The following UBTD2 variants were observed in gnomAD, a reference collection of about 807,000 sequenced individuals.
UBTD2 encodes the protein ubiquitin domain containing 2.
A neutral mutation model predicts 19.8 loss-of-function variants in UBTD2; 9 were observed. That is an observed-to-expected ratio of 0.46 (90% CI 0.27 to 0.79). UBTD2 has a LOEUF of 0.79. Among genes scored for constraint, UBTD2 ranks in the 30% least tolerant of loss-of-function variants. The pLI is 0.14. For synonymous variants in UBTD2, 98 were observed against 103.9 expected (o/e 0.94, Z 0.35); for missense variants, 250 against 300.4 (o/e 0.83, Z 1.24).
chr5:172,266,020 G>A lies in UBTD2; in HGVS notation c.70+17576C>T, dbSNP rs1219778275. On this transcript the variant is annotated intron_variant, in intron 1 of 2. Coordinates refer to ENST00000393792, the MANE Select transcript of UBTD2 (RefSeq NM_152277.3). ...ATGATCTCAGCTCATTGCAACCTCT[G>A]CCTCCCGGGTTCAAGCAATTCTCCT... is the stretch of plus-strand genomic sequence containing the variant. Among the ~76,000 whole-genome samples, 5 of 151,250 alleles carry A rather than the reference G, an allele frequency of 3.3e-5. No individual in the cohort carries two copies. The East Asian group carries it at 9.8e-4, about 30-fold the overall frequency.
Position 172,259,750 on chromosome 5 carries a change from T to C in UBTD2, c.70+23846A>G, listed in dbSNP as rs570160445. 8.5e-5 allele frequency among the ~76,000 whole-genome samples: 13 copies of C among 152,176 alleles called. No individual in the cohort carries two copies. The East Asian group carries it at 2.5e-3, about 29-fold the overall frequency. On this transcript the variant is annotated intron_variant, in intron 1 of 2. Transcript: ENST00000393792. ...GTTTAGCAAGGTCAGAATAAGCTTT[T>C]GGACTGTATCAACAGTAAATGGGCC...
intron 1 of UBTD2, among the ~76,000 whole-genome samples, chr5:172,265,454 C>T (rs1755358938): frequency 6.6e-6 from 1 of 152,154 alleles, no homozygotes; most frequent in Non-Finnish European, 1.5e-5. Context: ...CCTGCCTCAG[C>T]CTCCCGAGTA....
intron 1 of UBTD2, among the ~76,000 whole-genome samples, chr5:172,261,306 AT>A (rs1442706646): frequency 3.3e-5 from 5 of 152,192 alleles, no homozygotes; most frequent in Non-Finnish European, 7.3e-5. Flanking sequence ...ACCGAGATAG[AT>A]TTTCCAAAAC....
At chr5:172,266,826 C>T (rs1266580448) in intron 1 of UBTD2, among the ~76,000 whole-genome samples, 1 of 152,098 alleles carries the variant, frequency 6.6e-6, no homozygotes, top group Non-Finnish European at 1.5e-5. Context: ...TCACTTGAAG[C>T]CAGGATTTCA....
chr5:172,242,227 A>G (rs1488725264), intron 1 of UBTD2, among the ~76,000 whole-genome samples: 1 of 152,236 alleles, frequency 6.6e-6, no homozygotes, highest in Non-Finnish European at 1.5e-5. Flanking sequence ...TCTTTTCTTT[A>G]TAAATTACCC....
intron 2 of UBTD2, among the ~76,000 whole-genome samples, chr5:172,216,223 G>GAAATCTAAA (rs1175223922): frequency 9.2e-5 from 14 of 151,608 alleles, no homozygotes; most frequent in Non-Finnish European, 1.9e-4. Context: ...AAAACCCCAT[G>GAAATCTAAA]AAATCTAAAA....
intron 1 of UBTD2, among the ~76,000 whole-genome samples, chr5:172,237,338 C>A (rs540063883): frequency 1.3e-5 from 2 of 152,130 alleles, no homozygotes; most frequent in Non-Finnish European, 2.9e-5. Context: ...ATGATCCGCC[C>A]GCCTCAGCCT....
At chr5:172,240,931 C>CAT (rs1455825433) in intron 1 of UBTD2, among the ~76,000 whole-genome samples, 30 of 151,910 alleles carry the variant, frequency 2.0e-4, no homozygotes, top group African/African-American at 7.0e-4. Context: ...ATCATAAATA[C>CAT]ATATATATAA....
chr5:172,249,776 A>G (rs879889078), intron 1 of UBTD2, among the ~76,000 whole-genome samples: 14 of 152,236 alleles, frequency 9.2e-5, no homozygotes, highest in Non-Finnish European at 1.6e-4. Context: ...GGCCATAAGA[A>G]GATATGTAAT....
chr5:172,238,414 T>C (rs927779453), intron 1 of UBTD2, among the ~76,000 whole-genome samples: 4 of 152,166 alleles, frequency 2.6e-5, no homozygotes, highest in African/African-American at 9.6e-5. Context: ...AATAAAGCAA[T>C]CTAATCTTAA....
At chr5:172,224,965 G>A (rs1045434103) in intron 2 of UBTD2, among the ~76,000 whole-genome samples, 1 of 152,096 alleles carries the variant, frequency 6.6e-6, no homozygotes, top group African/African-American at 2.4e-5. Context: ...TTTACAAAAC[G>A]TTTTAATTAC....
chr5:172,273,438 A>G (rs1263500017), intron 1 of UBTD2, among the ~76,000 whole-genome samples: 1 of 151,614 alleles, frequency 6.6e-6, no homozygotes, highest in Non-Finnish European at 1.5e-5. Flanking sequence ...TAAAAATACA[A>G]AAATTAGCCA....
chr5:172,248,474 G>C (rs1196181525), intron 1 of UBTD2, among the ~76,000 whole-genome samples: 1 of 152,058 alleles, frequency 6.6e-6, no homozygotes, highest in African/African-American at 2.4e-5. Flanking sequence ...CGTAGTCCCA[G>C]CTACTCGGGA....
At position 172,283,507 on chromosome 5, in the gene UBTD2, G is replaced by C; in HGVS notation, c.70+89C>G. The stretch of plus-strand genomic sequence containing the variant: ...GAGGGGATGACAAAGGGGCGCGGGG[G>C]CCCGGCGCGGCCCGCGGGGGTCGGG... On this transcript the variant is annotated intron_variant, in intron 1 of 2. Coordinates refer to ENST00000393792, the MANE Select transcript of UBTD2 (RefSeq NM_152277.3). The surrounding 1 kb of genome is among the most constrained non-coding windows in gnomAD (Gnocchi z 4.3). 9.8e-7 allele frequency: 1 copy of C among 1,020,532 alleles called. No individual in the cohort carries two copies. The highest frequency in any genetic ancestry group is 1.3e-6 in the Non-Finnish European group (1 of 793,152). The allele number at this position is 1,020,532 out of a possible 1,614,324, so 63.2% of individuals were successfully genotyped here. A position where few individuals can be genotyped will look rare whatever the true frequency, so the allele number is the denominator to read the frequency against.
chr5:172,212,685 G>A (rs1771474016), intron 2 of UBTD2, among the ~76,000 whole-genome samples: 1 of 152,144 alleles, frequency 6.6e-6, no homozygotes, highest in South Asian at 2.1e-4. Context: ...TTTTTATTGA[G>A]ATGGAGTGTC....
At chr5:172,236,653 T>C (rs1476120575) in intron 1 of UBTD2, among the ~76,000 whole-genome samples, 1 of 152,222 alleles carries the variant, frequency 6.6e-6, no homozygotes, top group Non-Finnish European at 1.5e-5. Context: ...AAGTGGAAGA[T>C]GGCACAGTAA....
At chr5:172,214,576 AAGGT>A (rs1213512923) in intron 2 of UBTD2, among the ~76,000 whole-genome samples, 20 of 152,276 alleles carry the variant, frequency 1.3e-4, no homozygotes, top group African/African-American at 3.4e-4. Flanking sequence ...AAATCTCTAA[AAGGT>A]GAGAGAGAAA....
chr5:172,254,522 T>C, intron 1 of UBTD2: 3 of 578,276 alleles, frequency 5.2e-6, no homozygotes, highest in South Asian at 4.0e-5. Context: ...CAAACGTCCA[T>C]GTGCATCCTT....
chr5:172,267,061 GT>G (rs1443076740), intron 1 of UBTD2, among the ~76,000 whole-genome samples: 26 of 130,770 alleles, frequency 2.0e-4, no homozygotes, highest in African/African-American at 6.8e-4. Context: ...AAAAAAAAAA[GT>G]TTTTTCCTAG....
Sources: allele counts gnomAD v4.1 joint callset (sites outside exome capture counted in the v4.1 genomes callset), GRCh38; gene constraint gnomAD v4.1.1; non-coding constraint Gnocchi (gnomAD v3.1); transcripts MANE v1.5; gene names NCBI Gene and HGNC (gene_info 2026-07-23, HGNC 2026-07-21).